The following WIF1 variants were observed in gnomAD, a reference collection of about 807,000 sequenced individuals.
WIF1 encodes Wnt inhibitory factor 1.
WIF1 carries 35 observed loss-of-function variants against 53.5 expected under a neutral mutation model. The observed-to-expected ratio is 0.65, with a 90% CI of 0.50 to 0.87. The LOEUF is 0.87. Among genes scored for constraint, WIF1 ranks in the 40% least tolerant of loss-of-function variants. The pLI, the probability that WIF1 is intolerant of heterozygous loss-of-function variation, is 0.00. For synonymous variants in WIF1, 171 were observed against 170.4 expected (o/e 1.00, Z -0.03); for missense variants, 467 against 476.8 (o/e 0.98, Z 0.19).
intron 2 of WIF1, among the ~76,000 whole-genome samples, chr12:65,088,222 C>A (rs761139209): frequency 1.3e-5 from 2 of 152,190 alleles, no homozygotes; most frequent in African/African-American, 2.4e-5. Flanking sequence ...CTTGTACACA[C>A]AACAGTTTCA....
intron 2 of WIF1, among the ~76,000 whole-genome samples, chr12:65,109,567 G>A (rs564725847): frequency 1.8e-4 from 27 of 152,316 alleles, no homozygotes; most frequent in African/African-American, 6.3e-4. Context: ...CCTGAAGCCA[G>A]TTAGATCAGT....
chr12:65,060,653 G>A (rs189426449), intron 7 of WIF1, among the ~76,000 whole-genome samples: 2 of 152,230 alleles, frequency 1.3e-5, no homozygotes, highest in Admixed American at 1.3e-4. Context: ...TGAATAACCC[G>A]AATGGTACAT....
At chr12:65,096,754 C>T (rs908311740) in intron 2 of WIF1, among the ~76,000 whole-genome samples, 1 of 152,072 alleles carries the variant, frequency 6.6e-6, no homozygotes. Flanking sequence ...TCTTAGCAAA[C>T]TAACACAGGA....
At chr12:65,070,248 T>C (rs1190721531) in intron 3 of WIF1, among the ~76,000 whole-genome samples, 1 of 152,160 alleles carries the variant, frequency 6.6e-6, no homozygotes, top group Non-Finnish European at 1.5e-5. Flanking sequence ...TGGACTTCCA[T>C]TTCTAGCTCC....
chr12:65,055,769 C>T (rs534134223), intron 8 of WIF1, among the ~76,000 whole-genome samples: 9 of 152,292 alleles, frequency 5.9e-5, no homozygotes, highest in Non-Finnish European at 1.2e-4. Context: ...AGAGAGACTC[C>T]GTCTCAAAAA....
intron 2 of WIF1, among the ~76,000 whole-genome samples, chr12:65,089,494 G>C (rs1016057850): frequency 3.3e-5 from 5 of 152,182 alleles, no homozygotes; most frequent in Middle Eastern, 3.4e-3. Flanking sequence ...ATATATCACT[G>C]CTCCTACTTA....
chr12:65,116,082 A>C (rs1883504598), intron 2 of WIF1, among the ~76,000 whole-genome samples: 1 of 152,218 alleles, frequency 6.6e-6, no homozygotes, highest in South Asian at 2.1e-4. Flanking sequence ...AAAAACCAAA[A>C]CATAATAGAT....
chr12:65,118,182 T>G (rs1243890238), intron 2 of WIF1, among the ~76,000 whole-genome samples: 1 of 152,266 alleles, frequency 6.6e-6, no homozygotes, highest in East Asian at 1.9e-4. Flanking sequence ...CCTAAATATT[T>G]GATATCATTT....
In WIF1 at chr12:65,077,854, C is replaced by T. The variant is rs1396826175; in HGVS notation, c.289G>A (p.Ala97Thr). Residue 97 changes from alanine to threonine, a missense_variant and splice_region_variant, in exon 3 of 10, where the codon GCA becomes ACA. Physicochemically the swap from Ala to Thr is moderately conservative, Grantham distance 58. Transcript: ENST00000286574. ...GACAGGAATTCATAGAAGTATTCTGCCTACAACCAAAGGCACTGACAGTTA... is the reference window on the plus strand; with the variant it reads ...GACAGGAATTCATAGAAGTATTCTGTCTACAACCAAAGGCACTGACAGTTA... ...MNFTWQAAGQ[A>T]EYFYEFLSLR... 3 of 1,611,916 alleles carry T rather than the reference C, an allele frequency of 1.9e-6. No individual in the cohort carries two copies. Among genetic ancestry groups the T allele is most frequent in the Non-Finnish European group, 2.5e-6 (3 of 1,178,598 alleles).
chr12:65,120,539 G>A lies in WIF1; in HGVS notation c.166C>T (p.Leu56=), dbSNP rs1458996948. 2.5e-6 allele frequency: 4 copies of A among 1,609,866 alleles called. No homozygotes were observed. Among genetic ancestry groups the A allele is most frequent in the East Asian group, 2.2e-5 (1 of 44,840 alleles). ...RVLIGFEEDI[L]IVSEGKMAPF... ...GCCATTTTCCCCTCTGAAACAATCA[G>A]GATATCTTCTTCAAATCCTGGTTTT... Residue 56 remains leucine, a synonymous_variant, in exon 2 of 10, where the codon CTG becomes TTG. Coordinates refer to ENST00000286574, the MANE Select transcript of WIF1 (RefSeq NM_007191.5).
intron 6 of WIF1, among the ~76,000 whole-genome samples, chr12:65,065,637 A>T (rs1300061185): frequency 6.6e-6 from 1 of 152,206 alleles, no homozygotes; most frequent in Non-Finnish European, 1.5e-5. Flanking sequence ...CTGAGTGATC[A>T]CTAAAGAGAC....
intron 2 of WIF1, among the ~76,000 whole-genome samples, chr12:65,101,521 T>G (rs1883282330): frequency 2.0e-5 from 3 of 152,206 alleles, no homozygotes; most frequent in South Asian, 2.1e-4. Flanking sequence ...TTAAGAAATT[T>G]TATTAACATT....
intron 2 of WIF1, among the ~76,000 whole-genome samples, chr12:65,116,484 C>A (rs1883512375): frequency 6.6e-6 from 1 of 151,894 alleles, no homozygotes; most frequent in African/African-American, 2.4e-5. Flanking sequence ...CATCTAGTTG[C>A]AGGAAAACAA....
At chr12:65,105,751 GC>G (rs1455721326) in intron 2 of WIF1, among the ~76,000 whole-genome samples, 1 of 152,074 alleles carries the variant, frequency 6.6e-6, no homozygotes, top group African/African-American at 2.4e-5. Context: ...TGAGGGATCT[GC>G]CCCCATGACC....
intron 2 of WIF1, among the ~76,000 whole-genome samples, chr12:65,108,399 T>G (rs1323193673): frequency 1.3e-5 from 2 of 152,164 alleles, no homozygotes; most frequent in Non-Finnish European, 2.9e-5. Flanking sequence ...AGAGTCAAAT[T>G]TTTTTCAATT....
intron 7 of WIF1, among the ~76,000 whole-genome samples, chr12:65,061,965 C>T (rs914992648): frequency 4.6e-5 from 7 of 152,162 alleles, no homozygotes; most frequent in Non-Finnish European, 8.8e-5. Context: ...ATTCATGTTG[C>T]TGTTTGTGCT....
chr12:65,101,247 T>C (rs1334117866), intron 2 of WIF1, among the ~76,000 whole-genome samples: 1 of 152,186 alleles, frequency 6.6e-6, no homozygotes. Flanking sequence ...CAACTAGCAA[T>C]ATAAAAACCT....
At chr12:65,052,924 G>C (rs188024236) in intron 9 of WIF1, among the ~76,000 whole-genome samples, 4 of 152,162 alleles carry the variant, frequency 2.6e-5, no homozygotes, top group African/African-American at 9.7e-5. Context: ...TCACTTGTGG[G>C]GATCACTGGG....
At chr12:65,108,588 A>G (rs1228218669) in intron 2 of WIF1, among the ~76,000 whole-genome samples, 1 of 152,128 alleles carries the variant, frequency 6.6e-6, no homozygotes, top group Non-Finnish European at 1.5e-5. Flanking sequence ...CCTCATTTCC[A>G]TTAACACCCA....
Sources: allele counts gnomAD v4.1 joint callset (sites outside exome capture counted in the v4.1 genomes callset), GRCh38; gene constraint gnomAD v4.1.1; transcripts MANE v1.5; gene names NCBI Gene and HGNC (gene_info 2026-07-23, HGNC 2026-07-21).